Variants in SND1 observed in about 807,000 individuals in gnomAD.
SND1 encodes staphylococcal nuclease and tudor domain containing 1.
In SND1, 38 loss-of-function variants were observed where a neutral mutation model predicts 121.7. The ratio of observed to expected loss-of-function variants is 0.31; its 90% CI spans 0.24 to 0.41. SND1 has a LOEUF of 0.41. SND1 is among the 10% of genes least tolerant of loss of function. The pLI is 1.00. For missense variants in SND1, 868 were observed against 1,184.6 expected (o/e 0.73, Z 3.92); for synonymous variants, 401 against 447.4 (o/e 0.90, Z 1.31).
intron 13 of SND1, among the ~76,000 whole-genome samples, chr7:127,901,054 G>A (rs1292984286): frequency 6.6e-6 from 1 of 152,212 alleles, no homozygotes; most frequent in Non-Finnish European, 1.5e-5. Context: ...AAGGCAGTAT[G>A]GGGAGCAGGA....
intron 15 of SND1, among the ~76,000 whole-genome samples, chr7:127,989,622 G>A (rs573276373): frequency 2.8e-4 from 43 of 151,664 alleles, no homozygotes; most frequent in African/African-American, 8.5e-4. Flanking sequence ...GAGGCTGTTC[G>A]TAAATAAAAG....
chr7:127,911,437 T>C (rs1800452852), intron 14 of SND1, among the ~76,000 whole-genome samples: 1 of 152,216 alleles, frequency 6.6e-6, no homozygotes, highest in Admixed American at 6.5e-5. Flanking sequence ...CTCAAACTCC[T>C]GGGCTCAAGT....
chr7:127,971,118 C>G (rs1052230061), intron 15 of SND1, among the ~76,000 whole-genome samples: 1 of 152,058 alleles, frequency 6.6e-6, no homozygotes, highest in African/African-American at 2.4e-5. Context: ...CCCAAGCCAC[C>G]CTTTGCAGAC....
chr7:127,792,964 CA>C (rs1322694314), intron 10 of SND1, among the ~76,000 whole-genome samples: 1 of 152,212 alleles, frequency 6.6e-6, no homozygotes, highest in Non-Finnish European at 1.5e-5. Flanking sequence ...AGCCAGGTGG[CA>C]AGGCAGAAAT....
intron 16 of SND1, chr7:128,030,476 C>G: frequency 6.2e-7 from 1 of 1,613,588 alleles, no homozygotes. Flanking sequence ...CCTTGCTGAA[C>G]TGGTTACTGC....
intron 1 of SND1, among the ~76,000 whole-genome samples, chr7:127,679,633 T>C (rs926779889): frequency 6.6e-6 from 1 of 152,248 alleles, no homozygotes; most frequent in Non-Finnish European, 1.5e-5. Flanking sequence ...GTCTATGTTC[T>C]GTCTATGGAT....
At chr7:127,700,373 A>T (rs1796079751) in intron 4 of SND1, among the ~76,000 whole-genome samples, 2 of 152,296 alleles carry the variant, frequency 1.3e-5, no homozygotes, top group South Asian at 4.1e-4. Flanking sequence ...TGGCTTGAGA[A>T]ATTGGTAGGT....
intron 13 of SND1, among the ~76,000 whole-genome samples, chr7:127,898,156 T>C (rs1800156131): frequency 6.6e-6 from 1 of 152,152 alleles, no homozygotes; most frequent in African/African-American, 2.4e-5. Context: ...TGTAGATCCA[T>C]TGTCATACCC....
chr7:127,803,902 G>T (rs559810000), intron 10 of SND1, among the ~76,000 whole-genome samples: 2 of 152,354 alleles, frequency 1.3e-5, no homozygotes, highest in African/African-American at 4.8e-5. Flanking sequence ...GTGAGTCATT[G>T]CAGGGCCTAC....
At chr7:127,935,311 G>A (rs1314523357) in intron 15 of SND1, among the ~76,000 whole-genome samples, 1 of 152,162 alleles carries the variant, frequency 6.6e-6, no homozygotes, top group East Asian at 1.9e-4. Flanking sequence ...TTTTAGAACT[G>A]TAATTCTTAT....
chr7:127,803,242 G>C (rs1398559334), intron 10 of SND1, among the ~76,000 whole-genome samples: 1 of 152,064 alleles, frequency 6.6e-6, no homozygotes, highest in African/African-American at 2.4e-5. Context: ...TTGAGTTTTT[G>C]ATAAAATCAA....
intron 16 of SND1, among the ~76,000 whole-genome samples, chr7:128,063,161 T>G (rs1793258691): frequency 6.6e-6 from 1 of 152,140 alleles, no homozygotes; most frequent in Admixed American, 6.5e-5. Context: ...TCATGTCCAC[T>G]TTTGCTCTTC....
intron 1 of SND1, chr7:127,679,067 G>A (rs1795662259): frequency 6.6e-6 from 1 of 152,212 alleles, no homozygotes; most frequent in Non-Finnish European, 1.5e-5. Context: ...TCAGCTCAAT[G>A]ACTTTCCTGG....
chr7:127,799,029 A>G (rs1303056131), intron 10 of SND1, among the ~76,000 whole-genome samples: 1 of 150,760 alleles, frequency 6.6e-6, no homozygotes, highest in Non-Finnish European at 1.5e-5. Flanking sequence ...GCAACAACAT[A>G]GCGAGACTGT....
At chr7:127,667,942 G>T (rs1420038833) in intron 1 of SND1, among the ~76,000 whole-genome samples, 1 of 152,164 alleles carries the variant, frequency 6.6e-6, no homozygotes, top group East Asian at 1.9e-4. Context: ...ACTACACTTT[G>T]AAAGCACTGA....
chr7:127,886,253 C>T (rs1205337290), intron 12 of SND1, among the ~76,000 whole-genome samples: 3 of 151,944 alleles, frequency 2.0e-5, no homozygotes, highest in Admixed American at 6.6e-5. Context: ...AGAAGATAAT[C>T]AGCCACTGCA....
chr7:128,020,232 C>A (rs4731390), intron 16 of SND1, among the ~76,000 whole-genome samples: 9,344 of 152,278 alleles, frequency 0.061, 850 homozygotes, highest in African/African-American at 0.19. Flanking sequence ...CCATCTGTCT[C>A]AGAGCATTAA....
intron 1 of SND1, among the ~76,000 whole-genome samples, chr7:127,674,441 C>T (rs1795582574): frequency 6.6e-6 from 1 of 152,192 alleles, no homozygotes; most frequent in African/African-American, 2.4e-5. Flanking sequence ...AAACCTAGCT[C>T]TCATTATCCT....
chr7:127,857,347 C>T (rs546083823), intron 12 of SND1, among the ~76,000 whole-genome samples: 1,986 of 138,848 alleles, frequency 0.014, 24 homozygotes, highest in Non-Finnish European at 0.018. Context: ...CGCCCGCCAC[C>T]GCCCCCGGCT....
Sources: allele counts gnomAD v4.1 joint callset (sites outside exome capture counted in the v4.1 genomes callset), GRCh38; gene constraint gnomAD v4.1.1; transcripts MANE v1.5; gene names NCBI Gene and HGNC (gene_info 2026-07-23, HGNC 2026-07-21).